Variants in PTPN14 observed in about 807,000 individuals in gnomAD.
The protein encoded by PTPN14 is protein tyrosine phosphatase non-receptor type 14.
A neutral mutation model predicts 126.8 loss-of-function variants in PTPN14; 53 were observed. That is an observed-to-expected ratio of 0.42 (90% CI 0.34 to 0.53). The LOEUF is 0.53. PTPN14 is among the 20% of genes least tolerant of loss of function. PTPN14 has a pLI of 0.08. For missense variants in PTPN14, 1,257 were observed against 1,552.9 expected, an observed-to-expected ratio of 0.81 and a Z score of 3.20; for synonymous variants, 630 against 599.3, an observed-to-expected ratio of 1.05 and a Z score of -0.75.
intron 10 of PTPN14, among the ~76,000 whole-genome samples, chr1:214,393,491 ATT>A (rs1658805795): frequency 6.6e-6 from 1 of 152,172 alleles, no homozygotes; most frequent in African/African-American, 2.4e-5. Flanking sequence ...TTTGTGAATT[ATT>A]CTCTCTCTAG....
At chr1:214,423,343 A>G (rs67161574) in intron 3 of PTPN14, among the ~76,000 whole-genome samples, 17,756 of 152,082 alleles carry the variant, frequency 0.12, 1,233 homozygotes, top group African/African-American at 0.18. Flanking sequence ...ACCCCCCAAA[A>G]AAGAAAGATA....
At chr1:214,440,280 G>T (rs1660009729) in intron 3 of PTPN14, among the ~76,000 whole-genome samples, 1 of 152,144 alleles carries the variant, frequency 6.6e-6, no homozygotes, top group African/African-American at 2.4e-5. Flanking sequence ...CTCATATTTA[G>T]ATATAAAACT....
intron 7 of PTPN14, among the ~76,000 whole-genome samples, chr1:214,400,082 AC>A (rs1399346712): frequency 6.6e-6 from 1 of 152,186 alleles, no homozygotes; most frequent in African/African-American, 2.4e-5. Context: ...GGAACCACTC[AC>A]GGAAAAGTTC....
chr1:214,413,001 C>T (rs1211737706), intron 4 of PTPN14, among the ~76,000 whole-genome samples: 1 of 152,174 alleles, frequency 6.6e-6, no homozygotes, highest in Non-Finnish European at 1.5e-5. Context: ...TCCTGAGTAG[C>T]TGGGACTATA....
intron 10 of PTPN14, among the ~76,000 whole-genome samples, chr1:214,392,284 T>G (rs373799170): frequency 1.3e-5 from 2 of 152,078 alleles, no homozygotes; most frequent in East Asian, 3.9e-4. Flanking sequence ...TATACTTGGT[T>G]AGGAAGAAGA....
chr1:214,399,848 G>A (rs1333207360), intron 7 of PTPN14, among the ~76,000 whole-genome samples: 1 of 151,956 alleles, frequency 6.6e-6, no homozygotes, highest in East Asian at 1.9e-4. Context: ...CTTCTAACCT[G>A]TCTATTAGGT....
intron 5 of PTPN14, among the ~76,000 whole-genome samples, chr1:214,410,826 G>C (rs930460114): frequency 6.6e-6 from 1 of 151,718 alleles, no homozygotes; most frequent in African/African-American, 2.4e-5. Context: ...CTATTTTTTT[G>C]CTAGTCCCAT....
intron 1 of PTPN14, among the ~76,000 whole-genome samples, chr1:214,493,674 A>T (rs138422023): frequency 6.6e-6 from 1 of 152,350 alleles, no homozygotes; most frequent in African/African-American, 2.4e-5. Context: ...TCAGAGACAC[A>T]GTGGGATCAG....
rs1368085254 is a variant in PTPN14, at chr1:214,379,948, T to C, written c.2545-1846A>G. ...CCCTCAACCTTGGCAGAATAAACTT[T>C]CTACATTAACTGAGACCTGTCTCAG... On this transcript the variant is annotated intron_variant, in intron 13 of 18. Coordinates refer to ENST00000366956, the MANE Select transcript of PTPN14 (RefSeq NM_005401.5). 2.0e-5 allele frequency among the ~76,000 whole-genome samples: 3 copies of C among 152,346 alleles called. No individual in the cohort carries two copies. The South Asian group carries it at 6.2e-4, about 32-fold the overall frequency.
chr1:214,496,901 C>T (rs1330634736), intron 1 of PTPN14, among the ~76,000 whole-genome samples: 2 of 151,968 alleles, frequency 1.3e-5, no homozygotes, highest in Non-Finnish European at 2.9e-5. Context: ...TTCAGTCTAG[C>T]TCAGTCTTTG....
At chr1:214,527,173 T>C (rs1655421644) in intron 1 of PTPN14, among the ~76,000 whole-genome samples, 1 of 151,848 alleles carries the variant, frequency 6.6e-6, no homozygotes, top group Non-Finnish European at 1.5e-5. Context: ...GCCCCCACCT[T>C]CTGCAGAGGA....
rs140323134 is a variant in PTPN14, at chr1:214,479,881, T to C, written c.-154-14924A>G. Among the ~76,000 whole-genome samples, 14 of 152,110 alleles carry C rather than the reference T, an allele frequency of 9.2e-5. No homozygotes were observed. The East Asian group carries it at 2.1e-3, about 23-fold the overall frequency. On this transcript the variant is annotated intron_variant, in intron 1 of 18. Coordinates refer to ENST00000366956, the MANE Select transcript of PTPN14 (RefSeq NM_005401.5). ...CCACAGAGGACCAATATTAAAATGT[T>C]TGCATATTTTATTTCATCATTTTAA...
intron 13 of PTPN14, among the ~76,000 whole-genome samples, chr1:214,381,867 T>A (rs900469452): frequency 6.6e-6 from 1 of 152,184 alleles, no homozygotes; most frequent in Admixed American, 6.5e-5. Context: ...AGGTTTTTTT[T>A]AAAGGAGTGA....
chr1:214,483,182 G>C (rs1661036573), intron 1 of PTPN14: 2 of 1,596,038 alleles, frequency 1.3e-6, no homozygotes, highest in Admixed American at 1.7e-5. Flanking sequence ...ATATAACGTT[G>C]TGTAATGTCT....
intron 1 of PTPN14, among the ~76,000 whole-genome samples, chr1:214,488,739 G>A (rs935435735): frequency 6.6e-6 from 1 of 152,146 alleles, no homozygotes; most frequent in African/African-American, 2.4e-5. Flanking sequence ...GGATCACAGA[G>A]GGCAAATGGC....
chr1:214,428,026 T>TA (rs1323152024), intron 3 of PTPN14, among the ~76,000 whole-genome samples: 1 of 151,918 alleles, frequency 6.6e-6, no homozygotes, highest in Non-Finnish European at 1.5e-5. Context: ...CTGACGACAG[T>TA]AAGATGGGAA....
At position 214,357,777 on chromosome 1, in the gene PTPN14, G is replaced by A. The variant is rs1208416337; in HGVS notation, c.*145C>T. 48 of 600,274 alleles carry A rather than the reference G, an allele frequency of 8.0e-5. No individual in the cohort carries two copies. Among genetic ancestry groups the A allele is most frequent in the East Asian group, 7.8e-4 (28 of 36,108 alleles). 37.2% of individuals were successfully genotyped at this position (600,274 alleles called of 1,614,324 possible). Reference sequence around the variant, plus strand: ...TCATATAAAATAATACATGGTATGTGTGAATAATCTTGGCTACTGTCTTCA... The same window carrying A: ...TCATATAAAATAATACATGGTATGTATGAATAATCTTGGCTACTGTCTTCA... On this transcript the variant is annotated 3_prime_UTR_variant, in exon 19 of 19. Coordinates refer to ENST00000366956, the MANE Select transcript of PTPN14 (RefSeq NM_005401.5).
At chr1:214,511,724 T>C (rs1654978417) in intron 1 of PTPN14, among the ~76,000 whole-genome samples, 1 of 152,178 alleles carries the variant, frequency 6.6e-6, no homozygotes, top group Non-Finnish European at 1.5e-5. Flanking sequence ...TGCACACCCA[T>C]GTCACAGCAG....
chr1:214,423,354 A>C (rs956632944), intron 3 of PTPN14, among the ~76,000 whole-genome samples: 2 of 152,102 alleles, frequency 1.3e-5, no homozygotes, highest in African/African-American at 4.8e-5. Context: ...AAGAAAGATA[A>C]GAAAAAGAAA....
Sources: gnomAD v4.1 joint callset for allele counts (sites outside exome capture counted in the v4.1 genomes callset) on GRCh38, gnomAD v4.1.1 for gene constraint, MANE v1.5 for transcripts, NCBI Gene and HGNC (gene_info 2026-07-23, HGNC 2026-07-21) for gene names.